The following DNAJC10 variants were observed in gnomAD, a reference collection of about 807,000 sequenced individuals.
The protein encoded by DNAJC10 is DnaJ heat shock protein family (Hsp40) member C10, also known as endoplasmic reticulum disulfide reductase DNAJC10.
DNAJC10 carries 101 observed loss-of-function variants against 115.0 expected under a neutral mutation model. The observed-to-expected ratio is 0.88, with a 90% confidence interval of 0.75 to 1.04. DNAJC10 has a LOEUF of 1.04. Ranked by LOEUF, DNAJC10 falls within the 50% of genes least tolerant of loss-of-function variation. DNAJC10 has a pLI of 0.00. For synonymous variants in DNAJC10, 307 were observed against 301.5 expected, an observed-to-expected ratio of 1.02 and a Z score of -0.19; for missense variants, 981 against 928.8, an observed-to-expected ratio of 1.06 and a Z score of -0.73.
Position 182,718,272 on chromosome 2 carries a change from A to G in DNAJC10, c.186A>G (p.Leu62=), listed in dbSNP as rs1419565366. 3 of 1,604,352 alleles carry G rather than the reference A, an allele frequency of 1.9e-6. No individual in the cohort carries two copies. The highest frequency in any genetic ancestry group is 2.5e-6 in the Non-Finnish European group (3 of 1,177,000). The change falls in exon 3 of 24, where the codon TTA becomes TTG. Residue 62 remains leucine, a synonymous_variant. Transcript: ENST00000264065. ...CTTTCAAGAAATTGGCATTGAAGTT[A>G]CATCCTGATAAAAACCCGGTAGGTA... The part of the protein sequence containing the change: ...RQAFKKLALK[L]HPDKNPNNPN...
intron 17 of DNAJC10, 34 bp from the exon 18 acceptor site, chr2:182,756,280 A>G (rs1441262940): frequency 1.3e-6 from 2 of 1,573,734 alleles, no homozygotes; most frequent in Non-Finnish European, 1.7e-6. Context: ...TATGCTTTAT[A>G]TATATGTTAT....
At position 182,778,464 on chromosome 2, in the gene DNAJC10, A is replaced by G. The variant is rs550515415; in HGVS notation, c.*1332A>G. The G allele has an allele frequency of 7.9e-5, 12 of 152,308 alleles. No homozygotes were observed. Among genetic ancestry groups the G allele is most frequent in the South Asian group, 2.1e-4 (1 of 4,826 alleles). The allele number at this position is 152,308 out of a possible 1,614,324, so 9.4% of individuals were successfully genotyped here. Reference sequence around the variant, plus strand: ...AGTGTACAGAATGGTAAAAATTCCAATCAGTCAAAAGAGGTCAATGAATTA... The same window carrying G: ...AGTGTACAGAATGGTAAAAATTCCAGTCAGTCAAAAGAGGTCAATGAATTA... On this transcript the variant is annotated 3_prime_UTR_variant, in exon 24 of 24. Coordinates refer to ENST00000264065, the MANE Select transcript of DNAJC10 (RefSeq NM_018981.4).
chr2:182,737,200 A>G (rs147570998), intron 11 of DNAJC10, among the ~76,000 whole-genome samples: 52 of 152,276 alleles, frequency 3.4e-4, no homozygotes, highest in African/African-American at 1.2e-3. Flanking sequence ...TGAGTGAGGA[A>G]ACTGAAGCTC....
Position 182,731,087 on chromosome 2 carries a change from C to G in DNAJC10, c.785C>G (p.Thr262Ser). The change falls in exon 9 of 24, where the codon ACT (threonine) becomes AGT (serine). Residue 262 changes from threonine to serine, a missense_variant. By Grantham distance (58) the Thr-to-Ser change is moderately conservative (BLOSUM62 1). Transcript: ENST00000264065. Reference sequence around the variant, plus strand: ...GCTGCTGGTATTGGCTGGCTGATCACTTTTTGTTCAAAAGGAGGAGGTAAT... The same window carrying G: ...GCTGCTGGTATTGGCTGGCTGATCAGTTTTTGTTCAAAAGGAGGAGGTAAT... ...AFAAGIGWLITFCSKGGDCLT... is the reference protein window; with the variant it reads ...AFAAGIGWLISFCSKGGDCLT... The G allele has an allele frequency of 6.2e-7, 1 of 1,612,418 alleles. No homozygotes were observed. Among genetic ancestry groups the G allele is most frequent in the Non-Finnish European group, 8.5e-7 (1 of 1,179,114 alleles).
In DNAJC10 at chr2:182,743,644, T is replaced by C; in HGVS notation, c.1238T>C (p.Leu413Pro). 3.1e-6 allele frequency: 5 copies of C among 1,613,798 alleles called. No homozygotes were observed. Among genetic ancestry groups the C allele is most frequent in the East Asian group, 2.2e-5 (1 of 44,810 alleles). ...CSSAPDICSNLYVFQPSLAVF... is the reference protein window; with the variant it reads ...CSSAPDICSNPYVFQPSLAVF... The stretch of plus-strand genomic sequence containing the variant: ...TCTGCACCAGACATCTGTAGTAATC[T>C]GTATGTTTTTCAGCCGTCTCTAGCA... The change falls in exon 14 of 24, where the codon CTG (leucine) becomes CCG (proline). Residue 413 changes from leucine to proline, a missense_variant. By Grantham distance (98) the Leu-to-Pro change is moderately conservative. Transcript: ENST00000264065.
chr2:182,728,637 C>T lies in DNAJC10; in HGVS notation c.480C>T (p.His160=), dbSNP rs76313543. The part of the protein sequence containing the change: ...FVNFYSPGCS[H]CHDLAPTWRD... ...ATTTTTACTCCCCAGGCTGTTCACACTGCCATGATTTAGCTCCCACAGTAT... is the reference window on the plus strand; with the variant it reads ...ATTTTTACTCCCCAGGCTGTTCACATTGCCATGATTTAGCTCCCACAGTAT... Residue 160 remains histidine (H), a synonymous_variant, in exon 6 of 24, where the codon CAC becomes CAT. Transcript: ENST00000264065. 8.9e-4 allele frequency: 1,434 copies of T among 1,612,578 alleles called. 8 individuals carry two copies. In the African/African-American group the frequency reaches 0.017, roughly 19 times the overall value.
rs1694944381 is a variant in DNAJC10 at position 182,786,309 on chromosome 2, T to C, written c.*9177T>C. On this transcript the variant is annotated 3_prime_UTR_variant, in exon 24 of 24. Coordinates refer to ENST00000264065, the MANE Select transcript of DNAJC10 (RefSeq NM_018981.4). ...TAGGACCACTTTCGAAGAGAATGGG[T>C]AGAATTCATTTTCTTTTCATTACTT... The C allele has an allele frequency of 6.6e-6, 1 of 152,162 alleles. No individual in the cohort carries two copies. Among genetic ancestry groups the C allele is most frequent in the South Asian group, 2.1e-4 (1 of 4,824 alleles). 9.4% of individuals were successfully genotyped at this position (152,162 alleles called of 1,614,324 possible).
chr2:182,741,168 C>T (rs945510979), intron 12 of DNAJC10, 75 bp from the exon 13 acceptor site: 1 of 1,011,160 alleles, frequency 9.9e-7, no homozygotes. Context: ...AAACTAACTT[C>T]AAGTCATAGA....
At chr2:182,758,179 T>A (rs530108214) in intron 19 of DNAJC10, among the ~76,000 whole-genome samples, 1 of 152,270 alleles carries the variant, frequency 6.6e-6, no homozygotes, top group South Asian at 2.1e-4. Context: ...CTTCCTACTA[T>A]TACAGAGAAG....
chr2:182,789,925 T>G lies in DNAJC10; in HGVS notation c.*12793T>G, dbSNP rs1695019815. The stretch of plus-strand genomic sequence containing the variant: ...ACTTTTAGAGTCTTTAAATTATTAC[T>G]TTTTCCATATCAAAGTACTTTGTGG... On this transcript the variant is annotated 3_prime_UTR_variant, in exon 24 of 24. Coordinates refer to ENST00000264065, the MANE Select transcript of DNAJC10 (RefSeq NM_018981.4). The G allele has an allele frequency of 1.3e-5, 2 of 152,204 alleles. No individual in the cohort carries two copies. The highest frequency in any genetic ancestry group is 4.8e-5 in the African/African-American group (2 of 41,452). The allele number at this position is 152,204 out of a possible 1,614,324, so 9.4% of individuals were successfully genotyped here. A position where few individuals can be genotyped will look rare whatever the true frequency, so the allele number is the denominator to read the frequency against.
At chr2:182,765,239 G>T (rs1055076667) in intron 22 of DNAJC10, among the ~76,000 whole-genome samples, 1 of 152,104 alleles carries the variant, frequency 6.6e-6, no homozygotes, top group Non-Finnish European at 1.5e-5. Context: ...GGGAAAAAAA[G>T]GGGGATTACT....
Position 182,734,658 on chromosome 2 carries a change from G to A in DNAJC10, c.850-1591G>A, listed in dbSNP as rs891511094. 2.6e-5 allele frequency among the ~76,000 whole-genome samples: 4 copies of A among 151,912 alleles called. 1 individual carries two copies. The South Asian group carries it at 6.2e-4, about 24-fold the overall frequency. Reference sequence around the variant, plus strand: ...GCCTATTCTATCAATAACTGAGAGAGTGTCTTAATATCCTCCACTACTTTG... The same window carrying A: ...GCCTATTCTATCAATAACTGAGAGAATGTCTTAATATCCTCCACTACTTTG... On this transcript the variant is annotated intron_variant, in intron 10 of 23. Coordinates refer to ENST00000264065, the MANE Select transcript of DNAJC10 (RefSeq NM_018981.4).
Position 182,757,758 on chromosome 2 carries a change from GA to G in DNAJC10, c.1880del (p.Asn627ThrfsTer8). ...CQQYHSFCAQ[E>X]NVQRYPEIRF... is the part of the protein sequence containing the mutation. ...ACAGTATCATTCTTTTTGTGCCCAG[GA>G]AAACGTTCAAAGATACCCTGAGATA... On this transcript the variant is annotated frameshift_variant, in exon 19 of 24. Coordinates refer to ENST00000264065, the MANE Select transcript of DNAJC10 (RefSeq NM_018981.4). LOFTEE classifies it high-confidence loss of function. 1 of 1,600,694 alleles carries G rather than the reference GA, an allele frequency of 6.2e-7. No individual in the cohort carries two copies. Among genetic ancestry groups the G allele is most frequent in the South Asian group, 1.1e-5 (1 of 89,422 alleles).
chr2:182,724,923 A>G (rs944808672), intron 5 of DNAJC10, among the ~76,000 whole-genome samples: 4 of 152,190 alleles, frequency 2.6e-5, no homozygotes, highest in African/African-American at 9.7e-5. Context: ...TCATTTTATT[A>G]CACTTTGATT....
rs758489302 is a variant in DNAJC10, at chr2:182,788,704, CTATT to C, written c.*11576_*11579del. The C allele has an allele frequency of 1.4e-5, 6 of 416,432 alleles. No homozygotes were observed. The highest frequency in any genetic ancestry group is 2.1e-5 in the African/African-American group (1 of 47,976). The allele number at this position is 416,432 out of a possible 1,614,324, so 25.8% of individuals were successfully genotyped here. A position where few individuals can be genotyped will look rare whatever the true frequency, so the allele number is the denominator to read the frequency against. On this transcript the variant is annotated 3_prime_UTR_variant, in exon 24 of 24. Transcript: ENST00000264065. Reference sequence around the variant, plus strand: ...GCTTATCCCACAGCACAAGTAACGTCTATTTATCTCAGAGGAAATCCAGGGAAGT... The same window carrying C: ...GCTTATCCCACAGCACAAGTAACGTCTATCTCAGAGGAAATCCAGGGAAGT...
intron 22 of DNAJC10, among the ~76,000 whole-genome samples, chr2:182,773,379 G>A (rs868126993): frequency 2.8e-4 from 43 of 152,246 alleles, no homozygotes; most frequent in Admixed American, 1.3e-4. Flanking sequence ...ATGTTGGCCT[G>A]CCTTGATAGG....
At chr2:182,751,455 T>A (rs1694015996) in intron 14 of DNAJC10, among the ~76,000 whole-genome samples, 1 of 152,078 alleles carries the variant, frequency 6.6e-6, no homozygotes. Context: ...TTTTAACTAG[T>A]CCAGGAAACA....
In DNAJC10 at chr2:182,732,635, C is replaced by T. The variant is rs1415087825; in HGVS notation, c.849+93C>T. The T allele has an allele frequency of 1.7e-4, 198 of 1,196,188 alleles. 1 individual carries two copies. In the South Asian group the frequency reaches 2.3e-3, roughly 14 times the overall value. 74.1% of individuals were successfully genotyped at this position (1,196,188 alleles called of 1,614,324 possible). A position where few individuals can be genotyped will look rare whatever the true frequency, so the allele number is the denominator to read the frequency against. ...ACATTTTCTTCCCTTATTTCTTGAA[C>T]ATTTAACTCACCTATTTGTAATCTT... On this transcript the variant is annotated intron_variant, in intron 10 of 23. Transcript: ENST00000264065.
At chr2:182,739,761 A>G (rs1258607558) in intron 11 of DNAJC10, 1 of 1,003,282 alleles carries the variant, frequency 1.0e-6, no homozygotes, top group African/African-American at 1.7e-5. Flanking sequence ...TTTTTAGATG[A>G]AAACCTCTAT....
Sources: allele counts gnomAD v4.1 joint callset (sites outside exome capture counted in the v4.1 genomes callset), GRCh38; gene constraint gnomAD v4.1.1; transcripts MANE v1.5; gene names NCBI Gene and HGNC (gene_info 2026-07-23, HGNC 2026-07-21).